CFAP57: variants seen among roughly 807,000 people sequenced by gnomAD.
CFAP57 encodes cilia and flagella associated protein 57.
CFAP57 carries 116 observed loss-of-function variants against 146.8 expected under a neutral mutation model. The ratio of observed to expected loss-of-function variants is 0.79; its 90% CI spans 0.68 to 0.92. The LOEUF is 0.92. CFAP57 is among the 40% of genes least tolerant of loss of function. The pLI, the probability that CFAP57 is intolerant of heterozygous loss-of-function variation, is 0.00. For synonymous variants in CFAP57, 518 were observed against 552.8 expected (o/e 0.94, Z 0.88); for missense variants, 1,377 against 1,527.2 (o/e 0.90, Z 1.64).
At chr1:43,172,563 G>GGGGGTGGGGAAA in intron 1 of CFAP57, 110 bp downstream of exon 1, 1 of 769,796 alleles carries the variant, frequency 1.3e-6, no homozygotes. Context: ...GGAGGACCCC[G>GGGGGTGGGGAAA]GGGGAGGGGA....
Position 43,235,563 on chromosome 1 carries a change from A to T in CFAP57, c.3405+925A>T, listed in dbSNP as rs181947890. ...CAGAGCGCACTGTGATTCAGGCCAGACCCAGGCAGGGCTGGTCTCATGTCA... is the reference window on the plus strand; with the variant it reads ...CAGAGCGCACTGTGATTCAGGCCAGTCCCAGGCAGGGCTGGTCTCATGTCA... On this transcript the variant is annotated intron_variant, in intron 21 of 22. Transcript: ENST00000372492. 4.5e-4 allele frequency among the ~76,000 whole-genome samples: 68 copies of T among 152,316 alleles called. 1 individual carries two copies. The highest frequency in any genetic ancestry group is 3.4e-3 in the Middle Eastern group (1 of 294).
intron 11 of CFAP57, among the ~76,000 whole-genome samples, chr1:43,213,380 A>G (rs562721656): frequency 6.6e-6 from 1 of 152,264 alleles, no homozygotes; most frequent in Non-Finnish European, 1.5e-5. Flanking sequence ...ACATGATTTC[A>G]TTCATTTTTT....
At chr1:43,187,365 T>TA (rs1249004606) in intron 6 of CFAP57, among the ~76,000 whole-genome samples, 1 of 152,130 alleles carries the variant, frequency 6.6e-6, no homozygotes, top group Non-Finnish European at 1.5e-5. Context: ...CCTAATACCA[T>TA]AGATTCAAAA....
intron 21 of CFAP57, among the ~76,000 whole-genome samples, chr1:43,236,590 TAAAA>T (rs764205138): frequency 7.2e-5 from 3 of 41,802 alleles, no homozygotes; most frequent in South Asian, 3.5e-3. Flanking sequence ...GAATAAGTGC[TAAAA>T]AAAAAAAAAA....
At chr1:43,244,429 A>G (rs1327141325) in intron 22 of CFAP57, among the ~76,000 whole-genome samples, 1 of 152,186 alleles carries the variant, frequency 6.6e-6, no homozygotes, top group Admixed American at 6.5e-5. Flanking sequence ...ATATAACTAT[A>G]TACATTTAAT....
Position 43,197,610 on chromosome 1 carries a change from G to A in CFAP57, c.1180G>A (p.Gly394Ser), listed in dbSNP as rs371546643. Residue 394 changes from glycine to serine, a missense_variant, in exon 7 of 23, where the codon GGT (glycine) becomes AGT (serine). Physicochemically the swap from Gly to Ser is moderately conservative, Grantham distance 56. Transcript: ENST00000372492. ...MYPLHSAPIT[G>S]LATCIRKPLI... ...TCCATTGCACTCAGCACCCATCACC[G>A]GTCTAGCTACCTGCATCCGCAAACC... is the stretch of plus-strand genomic sequence containing the variant. 4 of 1,613,904 alleles carry A rather than the reference G, an allele frequency of 2.5e-6. No individual in the cohort carries two copies. The highest frequency in any genetic ancestry group is 1.3e-5 in the African/African-American group (1 of 74,834).
intron 4 of CFAP57, among the ~76,000 whole-genome samples, chr1:43,184,448 G>T (rs1415246623): frequency 2.0e-5 from 3 of 152,206 alleles, no homozygotes; most frequent in Admixed American, 6.5e-5. Flanking sequence ...ACCGTTACAT[G>T]CACCAGACAC....
At chr1:43,213,509 G>C (rs1052580493) in intron 11 of CFAP57, among the ~76,000 whole-genome samples, 3 of 107,812 alleles carry the variant, frequency 2.8e-5, no homozygotes, top group East Asian at 7.6e-4. Context: ...AATATGGGGG[G>C]GGCGGTGGAG....
intron 19 of CFAP57, among the ~76,000 whole-genome samples, chr1:43,233,418 G>A (rs189705779): frequency 6.4e-4 from 97 of 152,230 alleles, no homozygotes; most frequent in African/African-American, 2.1e-3. Context: ...GAACCTGGGA[G>A]GCGGAGGTTG....
rs1171168380 is a variant in CFAP57, at chr1:43,209,594, T to TA, written c.1756-148dup. 6.3e-5 allele frequency: 47 copies of TA among 741,844 alleles called. No individual in the cohort carries two copies. The East Asian group carries it at 1.2e-3, about 20-fold the overall frequency. 46.0% of individuals were successfully genotyped at this position (741,844 alleles called of 1,614,324 possible). A position where few individuals can be genotyped will look rare whatever the true frequency, so the allele number is the denominator to read the frequency against. ...TTGCGCCTTTTTTTGTGCTAGGCAC[T>TA]ATACCGGATGCCAAAAGGGGATAGA... On this transcript the variant is annotated intron_variant, in intron 10 of 22. Transcript: ENST00000372492.
Position 43,221,428 on chromosome 1 carries a change from C to T in CFAP57, c.2304C>T (p.Asp768=). 6.5e-7 allele frequency: 1 copy of T among 1,540,528 alleles called. No homozygotes were observed. Among genetic ancestry groups the T allele is most frequent in the Non-Finnish European group, 8.8e-7 (1 of 1,141,670 alleles). ...QDVYHHEHIE[D]LLDKQSRELQ... is the part of the protein sequence containing the mutation. ...TTTATCACCATGAGCACATAGAAGA[C>T]CTCCTAGACAAGCAAAGCCGGGAAC... Residue 768 remains aspartate, a synonymous_variant, in exon 14 of 23, where the codon GAC becomes GAT. Transcript: ENST00000372492.
intron 22 of CFAP57, among the ~76,000 whole-genome samples, chr1:43,249,012 G>T (rs1434699017): frequency 6.6e-6 from 1 of 150,582 alleles, no homozygotes. Context: ...CTCCCGAGCA[G>T]CTGGGACTAC....
At chr1:43,197,332 G>C (rs1643906979) in intron 6 of CFAP57, among the ~76,000 whole-genome samples, 1 of 152,090 alleles carries the variant, frequency 6.6e-6, no homozygotes, top group African/African-American at 2.4e-5. Flanking sequence ...ACTCCAGCCT[G>C]GGGGACAGAG....
intron 21 of CFAP57, among the ~76,000 whole-genome samples, chr1:43,240,103 T>C (rs1570323584): frequency 1.3e-5 from 2 of 152,298 alleles, no homozygotes; most frequent in African/African-American, 4.8e-5. Flanking sequence ...GGAAAGGAAA[T>C]GCGGGAAACC....
rs574349526 is a variant in CFAP57, at chr1:43,241,124, G to A, written c.3406-2103G>A. ...GCTGGGATTACAGGTGTGAGCCACCGTGCCCAGCCGAGGCCAGGTTCTTTT... is the reference window on the plus strand; with the variant it reads ...GCTGGGATTACAGGTGTGAGCCACCATGCCCAGCCGAGGCCAGGTTCTTTT... On this transcript the variant is annotated intron_variant, in intron 21 of 22. Transcript: ENST00000372492. 1.7e-4 allele frequency among the ~76,000 whole-genome samples: 26 copies of A among 152,302 alleles called. No individual in the cohort carries two copies. The South Asian group carries it at 3.7e-3, about 22-fold the overall frequency.
chr1:43,206,562 G>A (rs991849120), intron 9 of CFAP57, among the ~76,000 whole-genome samples, 158 bp from the exon 10 acceptor site: 2 of 150,898 alleles, frequency 1.3e-5, no homozygotes, highest in East Asian at 2.0e-4. Context: ...GAATGTGAAC[G>A]TTCACAAGAA....
At chr1:43,199,920 A>G (rs1332355789) in intron 9 of CFAP57, among the ~76,000 whole-genome samples, 1 of 152,226 alleles carries the variant, frequency 6.6e-6, no homozygotes, top group Non-Finnish European at 1.5e-5. Flanking sequence ...ACCGTGGGGT[A>G]AAGATGGGCT....
At chr1:43,224,640 C>G (rs1487273300) in intron 17 of CFAP57, among the ~76,000 whole-genome samples, 3 of 152,222 alleles carry the variant, frequency 2.0e-5, no homozygotes, top group African/African-American at 7.2e-5. Flanking sequence ...CTGGGATTGA[C>G]CCTGTCCAGG....
chr1:43,243,406 T>C (rs1455210601), intron 22 of CFAP57, 47 bp downstream of exon 22: 18 of 1,455,352 alleles, frequency 1.2e-5, no homozygotes, highest in Non-Finnish European at 1.6e-5. Flanking sequence ...GACGAAGGGA[T>C]TGATGGCAGC....
Sources: allele counts gnomAD v4.1 joint callset (sites outside exome capture counted in the v4.1 genomes callset), GRCh38; gene constraint gnomAD v4.1.1; transcripts MANE v1.5; gene names NCBI Gene and HGNC (gene_info 2026-07-23, HGNC 2026-07-21).